KIF1B: variants seen among roughly 807,000 people sequenced by gnomAD.
KIF1B encodes the protein kinesin family member 1B, also known as kinesin-like protein KIF1B.
In KIF1B, 76 loss-of-function variants were observed where a neutral mutation model predicts 241.9. That is an observed-to-expected ratio of 0.31 (90% confidence interval 0.26 to 0.38). KIF1B has a LOEUF of 0.38. KIF1B is among the 10% of genes least tolerant of loss of function. The pLI, the probability that KIF1B is intolerant of heterozygous loss-of-function variation, is 1.00. For synonymous variants in KIF1B, 750 were observed against 796.7 expected (o/e 0.94, Z 0.99); for missense variants, 1,622 against 2,271.4 (o/e 0.71, Z 5.81).
At position 10,380,567 on chromosome 1, in the gene KIF1B, G is replaced by A. The variant is rs1243563627; in HGVS notation, c.*3980G>A. 5 of 182,122 alleles carry A rather than the reference G, an allele frequency of 2.7e-5. No individual in the cohort carries two copies. The highest frequency in any genetic ancestry group is 9.0e-5 in the East Asian group (1 of 11,092). 11.3% of individuals were successfully genotyped at this position (182,122 alleles called of 1,614,324 possible). A position where few individuals can be genotyped will look rare whatever the true frequency, so the allele number is the denominator to read the frequency against. On this transcript the variant is annotated 3_prime_UTR_variant, in exon 49 of 49. Coordinates refer to ENST00000676179, the MANE Select transcript of KIF1B (RefSeq NM_001365951.3). ...CTAAAAATACAAAAAGTAGCCAGGC[G>A]TGGTGGCGTGTGCCTGTAGTCCCAG...
intron 22 of KIF1B, among the ~76,000 whole-genome samples, chr1:10,300,868 C>G (rs1650507402): frequency 6.6e-6 from 1 of 152,086 alleles, no homozygotes; most frequent in South Asian, 2.1e-4. Flanking sequence ...ATTTAGCAAA[C>G]TTTTGTTGGT....
intron 27 of KIF1B, among the ~76,000 whole-genome samples, chr1:10,328,478 A>G (rs539004694): frequency 6.6e-6 from 1 of 152,358 alleles, no homozygotes; most frequent in East Asian, 1.9e-4. Flanking sequence ...CCATGAATAG[A>G]TAACGTAGAA....
chr1:10,269,501 C>T (rs1467285341), intron 7 of KIF1B, among the ~76,000 whole-genome samples: 16 of 137,112 alleles, frequency 1.2e-4, no homozygotes, highest in East Asian at 2.1e-4. Context: ...GGTGACAGAG[C>T]GAGACTCTGT....
chr1:10,326,380 A>T lies in KIF1B; in HGVS notation c.2924+21A>T. ...GGAAGGTTGGTGAGGTTATTGTGAG[A>T]AAGGCGAAAAGGGACCAGCTCTTGC... On this transcript the variant is annotated intron_variant, in intron 27 of 48. Transcript: ENST00000676179. This position sits in a 1 kb window ranked among gnomAD's most constrained non-coding sequence, Gnocchi z 5.2. The T allele has an allele frequency of 6.2e-7, 1 of 1,613,906 alleles. No individual in the cohort carries two copies.
At chr1:10,368,566 C>T (rs759342967) in intron 44 of KIF1B, 28 bp downstream of exon 44, 2 of 1,590,212 alleles carry the variant, frequency 1.3e-6, no homozygotes, top group East Asian at 2.2e-5. Flanking sequence ...AATTTTTAGC[C>T]AGTATGTTGA....
At chr1:10,311,865 G>A (rs911167191) in intron 22 of KIF1B, among the ~76,000 whole-genome samples, 3 of 151,454 alleles carry the variant, frequency 2.0e-5, no homozygotes, top group African/African-American at 7.4e-5. Flanking sequence ...TATTGAGCAT[G>A]TATTACATGT....
intron 1 of KIF1B, among the ~76,000 whole-genome samples, chr1:10,220,413 A>AGAT (rs1460157597): frequency 3.3e-4 from 49 of 149,612 alleles, no homozygotes; most frequent in African/African-American, 1.1e-3. Flanking sequence ...ATAGATAGAT[A>AGAT]GATAGATAGA....
In KIF1B at chr1:10,296,622, C is replaced by T. The variant is rs760404775; in HGVS notation, c.1818C>T (p.Tyr606=). The T allele has an allele frequency of 1.1e-5, 17 of 1,613,840 alleles. No individual in the cohort carries two copies. Among genetic ancestry groups the T allele is most frequent in the Admixed American group, 1.7e-5 (1 of 59,988 alleles). Residue 606 remains tyrosine (Y), a synonymous_variant, in exon 20 of 49, where the codon TAC becomes TAT. Transcript: ENST00000676179. Reference sequence around the variant, plus strand: ...AGCCCTGTGAGCGCTCAGAAACCTACGTAAATGGCAAGAGGGTGTCCCAGC... The same window carrying T: ...AGCCCTGTGAGCGCTCAGAAACCTATGTAAATGGCAAGAGGGTGTCCCAGC... The part of the protein sequence containing the change: ...TLEPCERSET[Y]VNGKRVSQPV...
chr1:10,247,870 G>A lies in KIF1B; in HGVS notation c.107-8377G>A, dbSNP rs561284423. Among the ~76,000 whole-genome samples the A allele has an allele frequency of 3.3e-5, 5 of 152,202 alleles. No individual in the cohort carries two copies. The East Asian group carries it at 5.8e-4, about 18-fold the overall frequency. ...AAGTGTATGGTTTCGGGATGAAACC[G>A]TTCCATCTCAGATCATCAGACATTA... On this transcript the variant is annotated intron_variant, in intron 2 of 48. Coordinates refer to ENST00000676179, the MANE Select transcript of KIF1B (RefSeq NM_001365951.3).
intron 22 of KIF1B, chr1:10,306,792 T>G (rs960939186): frequency 8.1e-5 from 78 of 957,860 alleles, no homozygotes; most frequent in Admixed American, 6.4e-4. Flanking sequence ...AAAGGTAATA[T>G]TTATTATATT....
intron 22 of KIF1B, among the ~76,000 whole-genome samples, chr1:10,309,657 C>T (rs1300803532): frequency 6.6e-6 from 1 of 151,558 alleles, no homozygotes; most frequent in Non-Finnish European, 1.5e-5. Flanking sequence ...ACCATCATCT[C>T]TCATCGAGAG....
chr1:10,324,652 C>G, intron 25 of KIF1B, 106 bp from the exon 26 acceptor site: 1 of 1,265,074 alleles, frequency 7.9e-7, no homozygotes, highest in East Asian at 2.3e-5. Flanking sequence ...GGGAGCAACT[C>G]CTTTTTTTTT....
intron 22 of KIF1B, among the ~76,000 whole-genome samples, chr1:10,313,696 G>A (rs547738282): frequency 2.7e-5 from 4 of 150,150 alleles, no homozygotes; most frequent in East Asian, 2.0e-4. Flanking sequence ...GACTACAGGT[G>A]CCCACCACCA....
intron 32 of KIF1B, 116 bp from the exon 33 acceptor site, chr1:10,341,934 A>T (rs1652409568): frequency 1.3e-6 from 1 of 765,746 alleles, no homozygotes; most frequent in Non-Finnish European, 2.3e-6. Flanking sequence ...TGCGTGCTAC[A>T]GAGCAAGACC....
intron 5 of KIF1B, among the ~76,000 whole-genome samples, chr1:10,266,035 T>A (rs551213032): frequency 6.6e-6 from 1 of 152,302 alleles, no homozygotes; most frequent in South Asian, 2.1e-4. Context: ...CAGAAGGATC[T>A]GTTTCCTGGG....
chr1:10,320,116 A>T lies in KIF1B; in HGVS notation c.2189A>T (p.Glu730Val). The T allele has an allele frequency of 1.9e-6, 3 of 1,613,230 alleles. No homozygotes were observed. The highest frequency in any genetic ancestry group is 2.5e-6 in the Non-Finnish European group (3 of 1,179,284). ...TCTCTGGCTGCAGAAACAACTGAAGAGGAGGAAGAAGAGGAAGAAGGTGAA... is the reference window on the plus strand; with the variant it reads ...TCTCTGGCTGCAGAAACAACTGAAGTGGAGGAAGAAGAGGAAGAAGGTGAA... ...TRSLAAETTE[E>V]EEEEEEVPWT... Residue 730 changes from glutamate to valine, a missense_variant, in exon 23 of 49, where the codon GAG (glutamate) becomes GTG (valine). Coordinates refer to ENST00000676179, the MANE Select transcript of KIF1B (RefSeq NM_001365951.3).
At chr1:10,327,646 A>C (rs4333852) in intron 27 of KIF1B, among the ~76,000 whole-genome samples, 1 of 151,958 alleles carries the variant, frequency 6.6e-6, no homozygotes, top group Non-Finnish European at 1.5e-5. Context: ...TATGCACATG[A>C]TCCTAATACT....
intron 1 of KIF1B, chr1:10,230,886 A>G (rs1337376540): frequency 1.3e-5 from 2 of 152,170 alleles, no homozygotes; most frequent in Non-Finnish European, 2.9e-5. Flanking sequence ...TGACTCTGCC[A>G]TGAGTCAGTG....
At chr1:10,318,934 A>G (rs1276175134) in intron 22 of KIF1B, among the ~76,000 whole-genome samples, 1 of 152,122 alleles carries the variant, frequency 6.6e-6, no homozygotes, top group Non-Finnish European at 1.5e-5. Flanking sequence ...CAGATATACT[A>G]CATATCTGTA....
Sources: gnomAD v4.1 joint callset for allele counts (sites outside exome capture counted in the v4.1 genomes callset) on GRCh38, gnomAD v4.1.1 for gene constraint, Gnocchi (gnomAD v3.1) non-coding constraint, MANE v1.5 for transcripts, NCBI Gene and HGNC (gene_info 2026-07-23, HGNC 2026-07-21) for gene names.